Variants in CTU1 observed in about 807,000 individuals in gnomAD.
The protein encoded by CTU1 is cytosolic thiouridylase subunit 1.
Under a neutral mutation model 12.9 loss-of-function variants are expected in CTU1, and 15 were observed. The ratio of observed to expected loss-of-function variants is 1.16; its 90% CI spans 0.78 to 1.79. The LOEUF is 1.79. Among genes scored for constraint, CTU1 ranks in the 40% most tolerant of loss-of-function variants. The pLI, the probability that CTU1 is intolerant of heterozygous loss-of-function variation, is 0.00. For synonymous variants in CTU1, 295 were observed against 275.6 expected, an observed-to-expected ratio of 1.07 and a Z score of -0.70; for missense variants, 553 against 550.5, an observed-to-expected ratio of 1.00 and a Z score of -0.05.
rs758125797 is a variant in CTU1, at chr19:51,104,128, C to T, written c.442G>A (p.Gly148Arg). 16 of 1,511,384 alleles carry T rather than the reference C, an allele frequency of 1.1e-5. No individual in the cohort carries two copies. The highest frequency in any genetic ancestry group is 1.3e-5 in the Non-Finnish European group (15 of 1,145,244). The allele number at this position is 1,511,384 out of a possible 1,614,324, so 93.6% of individuals were successfully genotyped here. ...GRSRSCCTFC[G>R]VLRRRALEEG... ...TCCAGCGCCCGGCGCCGCAGCACTC[C>T]ACAGAAGGTGCAGCAGGAGCGGCTG... The change falls in exon 2 of 3, where the codon GGA becomes AGA. Residue 148 changes from glycine to arginine, a missense_variant. Coordinates refer to ENST00000421832, the MANE Select transcript of CTU1 (RefSeq NM_145232.4).
In CTU1 at chr19:51,108,100, GGCAGATAGTAACATAGGGGCGGGGGCAA is replaced by G. The variant is rs766609250; in HGVS notation, c.-22+219_-22+246del. Among the ~76,000 whole-genome samples the G allele has an allele frequency of 9.9e-4, 150 of 152,252 alleles. No homozygotes were observed. The highest frequency in any genetic ancestry group is 1.6e-3 in the Non-Finnish European group (108 of 68,014). On this transcript the variant is annotated intron_variant, in intron 1 of 2. Transcript: ENST00000421832. The surrounding 1 kb of genome is among the most constrained non-coding windows in gnomAD (Gnocchi z 4.5). ...AATGTGTGGCATGGGGGCGGGGACA[GGCAGATAGTAACATAGGGGCGGGGGCAA>G]GCAGATGGTCTTATCCTGTCTTGGG...
chr19:51,099,265 C>T (rs1040136514), intron 2 of CTU1, 126 bp from the exon 3 acceptor site: 3 of 832,754 alleles, frequency 3.6e-6, no homozygotes, highest in Non-Finnish European at 5.3e-6. Flanking sequence ...CCACGGAGAC[C>T]CAGGGCACAG....
chr19:51,099,222 A>C, intron 2 of CTU1, 83 bp from the exon 3 acceptor site: 1 of 1,266,032 alleles, frequency 7.9e-7, no homozygotes, highest in Non-Finnish European at 1.1e-6. Flanking sequence ...CCAAGGGTCC[A>C]CCAGGACCCA....
intron 1 of CTU1, among the ~76,000 whole-genome samples, chr19:51,107,480 A>G (rs2091923371): frequency 6.6e-6 from 1 of 152,116 alleles, no homozygotes; most frequent in South Asian, 2.1e-4. Context: ...AAAAAGTGGG[A>G]TTCGTTTGGC....
intron 2 of CTU1, among the ~76,000 whole-genome samples, chr19:51,100,907 T>A (rs553295618): frequency 6.7e-6 from 1 of 149,144 alleles, no homozygotes; most frequent in South Asian, 2.1e-4. Flanking sequence ...TTTTTATGGT[T>A]TTTTTTTTTC....
At position 51,103,466 on chromosome 19, in the gene CTU1, C is replaced by T. The variant is rs575182397; in HGVS notation, c.508+596G>A. Among the ~76,000 whole-genome samples, 19 of 151,894 alleles carry T rather than the reference C, an allele frequency of 1.3e-4. No individual in the cohort carries two copies. In the South Asian group the frequency reaches 3.9e-3, roughly 32 times the overall value. On this transcript the variant is annotated intron_variant, in intron 2 of 2. Coordinates refer to ENST00000421832, the MANE Select transcript of CTU1 (RefSeq NM_145232.4). Reference sequence around the variant, plus strand: ...TGGGCGTGGTGGCAGGCACCTGTAGCCCCGGCTACTCGGGAGGCTGAGCCA... The same window carrying T: ...TGGGCGTGGTGGCAGGCACCTGTAGTCCCGGCTACTCGGGAGGCTGAGCCA...
In CTU1 at chr19:51,104,410, C is replaced by T; in HGVS notation, c.160G>A (p.Val54Met). Residue 54 changes from valine to methionine, a missense_variant, in exon 2 of 3, where the codon GTG becomes ATG. Coordinates refer to ENST00000421832, the MANE Select transcript of CTU1 (RefSeq NM_145232.4). ...AGRLLPPGAV[V>M]AVGASGGKDS... ...TTGCCGCCCGAGGCGCCCACGGCCA[C>T]CACCGCGCCGGGCGGCAGCAGGCGG... 1 of 1,232,308 alleles carries T rather than the reference C, an allele frequency of 8.1e-7. No homozygotes were observed. 76.3% of individuals were successfully genotyped at this position (1,232,308 alleles called of 1,614,324 possible).
intron 1 of CTU1, among the ~76,000 whole-genome samples, chr19:51,107,419 G>A (rs1236817283): frequency 2.0e-5 from 3 of 152,140 alleles, no homozygotes; most frequent in Non-Finnish European, 2.9e-5. Flanking sequence ...AGCCATGATC[G>A]CACCAGTGCA....
In CTU1 at chr19:51,104,203, CAA is replaced by C. The variant is rs1027153008; in HGVS notation, c.365_366del (p.Phe122TrpfsTer348). 5 of 1,522,290 alleles carry C rather than the reference CAA, an allele frequency of 3.3e-6. No homozygotes were observed. The highest frequency in any genetic ancestry group is 1.4e-5 in the African/African-American group (1 of 70,436). 94.3% of individuals were successfully genotyped at this position (1,522,290 alleles called of 1,614,324 possible). The part of the protein sequence containing the change: ...PLTVVAYEDL[F>X]GGWTMDAVAR... ...GCCACGGCGTCCATCGTCCAGCCCC[CAA>C]AGAGGTCTTCGTAGGCCACGACCGT... On this transcript the variant is annotated frameshift_variant, in exon 2 of 3. Coordinates refer to ENST00000421832, the MANE Select transcript of CTU1 (RefSeq NM_145232.4). LOFTEE classifies it high-confidence loss of function.
rs1367318551 is a variant in CTU1 at position 51,104,343 on chromosome 19, GGCGCCAGCGCGCGCAGCACGT to G, written c.206_226del (p.His69_Ala75del). On this transcript the variant is annotated inframe_deletion, in exon 2 of 3. Transcript: ENST00000421832. Reference sequence around the variant, plus strand: ...GAGCTGCAGTGAGATGCCCAGGCGCGGCGCCAGCGCGCGCAGCACGTGCGCCAGCACCGTGGAGTCCTTGCC... The same window carrying G: ...GAGCTGCAGTGAGATGCCCAGGCGCGGCGCCAGCACCGTGGAGTCCTTGCC... 131 of 1,463,594 alleles carry G rather than the reference GGCGCCAGCGCGCGCAGCACGT, an allele frequency of 9.0e-5. No individual in the cohort carries two copies. The highest frequency in any genetic ancestry group is 1.1e-4 in the Non-Finnish European group (127 of 1,112,868). The allele number at this position is 1,463,594 out of a possible 1,614,324, so 90.7% of individuals were successfully genotyped here.
At position 51,098,353 on chromosome 19, in the gene CTU1, C is replaced by A. The variant is rs978502897; in HGVS notation, c.*248G>T. ...TTCTAGGCTTAGTCCTGGCCCTCTC[C>A]TCTCTCAGACCTAGGATGGTCCCCC... is the stretch of plus-strand genomic sequence containing the variant. On this transcript the variant is annotated 3_prime_UTR_variant, in exon 3 of 3. Transcript: ENST00000421832. The surrounding 1 kb of genome is among the most constrained non-coding windows in gnomAD (Gnocchi z 4.3). The A allele has an allele frequency of 5.6e-5, 17 of 301,018 alleles. No individual in the cohort carries two copies. Among genetic ancestry groups the A allele is most frequent in the African/African-American group, 3.5e-4 (16 of 45,528 alleles). The allele number at this position is 301,018 out of a possible 1,614,324, so 18.6% of individuals were successfully genotyped here. A position where few individuals can be genotyped will look rare whatever the true frequency, so the allele number is the denominator to read the frequency against.
At chr19:51,106,074 A>C (rs11883135) in intron 1 of CTU1, among the ~76,000 whole-genome samples, 1 of 152,102 alleles carries the variant, frequency 6.6e-6, no homozygotes, top group Non-Finnish European at 1.5e-5. Context: ...CAGTGGGATC[A>C]TGCCCTGAAT....
At chr19:51,105,954 C>T (rs1177704039) in intron 1 of CTU1, among the ~76,000 whole-genome samples, 4 of 152,208 alleles carry the variant, frequency 2.6e-5, no homozygotes, top group African/African-American at 4.8e-5. Context: ...ACCGTCTCCA[C>T]GGCAGCACCC....
intron 2 of CTU1, 90 bp downstream of exon 2, chr19:51,103,972 C>T (rs931206288): frequency 5.5e-6 from 7 of 1,278,614 alleles, no homozygotes; most frequent in Non-Finnish European, 7.1e-6. Context: ...GGAGCATGCG[C>T]CTGAATCCCC....
chr19:51,099,467 T>G (rs532307638), intron 2 of CTU1, among the ~76,000 whole-genome samples: 58 of 151,940 alleles, frequency 3.8e-4, no homozygotes, highest in Admixed American at 1.2e-3. Flanking sequence ...ATGGAGACCC[T>G]CCGGGAACCG....
intron 1 of CTU1, among the ~76,000 whole-genome samples, chr19:51,105,369 G>A (rs1049196947): frequency 3.3e-5 from 5 of 151,728 alleles, no homozygotes; most frequent in African/African-American, 4.8e-5. Context: ...GACATGGATC[G>A]GCCCATCTTT....
Position 51,097,951 on chromosome 19 carries a change from G to C in CTU1, c.*650C>G, listed in dbSNP as rs1286960229. On this transcript the variant is annotated 3_prime_UTR_variant, in exon 3 of 3. Transcript: ENST00000421832. Reference sequence around the variant, plus strand: ...GACCCCTTCCGACTGGGTGTCTTAGGGCCATTTACCACTTCAGGCTACAGC... The same window carrying C: ...GACCCCTTCCGACTGGGTGTCTTAGCGCCATTTACCACTTCAGGCTACAGC... 1.3e-5 allele frequency: 2 copies of C among 152,226 alleles called. No homozygotes were observed. Among genetic ancestry groups the C allele is most frequent in the African/African-American group, 4.8e-5 (2 of 41,414 alleles). 9.4% of individuals were successfully genotyped at this position (152,226 alleles called of 1,614,324 possible).
At position 51,098,481 on chromosome 19, in the gene CTU1, C is replaced by G. The variant is rs1203102653; in HGVS notation, c.*120G>C. On this transcript the variant is annotated 3_prime_UTR_variant, in exon 3 of 3. Coordinates refer to ENST00000421832, the MANE Select transcript of CTU1 (RefSeq NM_145232.4). This position sits in a 1 kb window ranked among gnomAD's most constrained non-coding sequence, Gnocchi z 4.3. ...TTCTTCAGGGTTTCAGGTGAATGGG[C>G]CCCCGTCTCCTTCCCAACCCCACAT... The G allele has an allele frequency of 3.1e-6, 3 of 980,614 alleles. No individual in the cohort carries two copies. In the Admixed American group the frequency reaches 1.4e-4, roughly 45 times the overall value. 60.7% of individuals were successfully genotyped at this position (980,614 alleles called of 1,614,324 possible). A position where few individuals can be genotyped will look rare whatever the true frequency, so the allele number is the denominator to read the frequency against.
chr19:51,098,802 C>G lies in CTU1; in HGVS notation c.846G>C (p.Pro282=). The change falls in exon 3 of 3, where the codon CCG becomes CCC. Residue 282 remains proline (P), a synonymous_variant. Transcript: ENST00000421832. The surrounding 1 kb of genome is among the most constrained non-coding windows in gnomAD (Gnocchi z 4.3). The part of the protein sequence containing the change: ...RLALAPAARP[P]RPGACSRCGA... The stretch of plus-strand genomic sequence containing the variant: ...CACAGCGGGAGCAGGCGCCGGGGCG[C>G]GGGGGCCGCGCGGCCGGGGCCAGCG... 2.9e-5 allele frequency: 30 copies of G among 1,045,240 alleles called. No homozygotes were observed. Among genetic ancestry groups the G allele is most frequent in the Non-Finnish European group, 3.5e-5 (30 of 869,318 alleles). 64.7% of individuals were successfully genotyped at this position (1,045,240 alleles called of 1,614,324 possible).
Sources: allele counts gnomAD v4.1 joint callset (sites outside exome capture counted in the v4.1 genomes callset), GRCh38; gene constraint gnomAD v4.1.1; non-coding constraint Gnocchi (gnomAD v3.1); transcripts MANE v1.5; gene names NCBI Gene and HGNC (gene_info 2026-07-23, HGNC 2026-07-21).